Variants in NAV3 observed in about 807,000 individuals in gnomAD.
NAV3 encodes the protein neuron navigator 3, also known as pore membrane and/or filament interacting like protein 1.
NAV3 carries 87 observed loss-of-function variants against 244.7 expected under a neutral mutation model. The ratio of observed to expected loss-of-function variants is 0.36; its 90% CI spans 0.30 to 0.42. NAV3 has a LOEUF of 0.42. Ranked by LOEUF, NAV3 falls within the 20% of genes least tolerant of loss-of-function variation. The pLI, the probability that NAV3 is intolerant of heterozygous loss-of-function variation, is 1.00. For synonymous variants in NAV3, 1,126 were observed against 1,042.2 expected (o/e 1.08, Z -1.55); for missense variants, 2,663 against 2,893.3 (o/e 0.92, Z 1.83).
chr12:77,764,397 C>A (rs1869639040), intron 2 of NAV3, among the ~76,000 whole-genome samples: 1 of 152,162 alleles, frequency 6.6e-6, no homozygotes, highest in African/African-American at 2.4e-5. Flanking sequence ...AGAACCCTGG[C>A]CATCTTGTAA....
At chr12:77,934,074 A>C (rs1392848692) in intron 1 of NAV3, among the ~76,000 whole-genome samples, 2 of 152,132 alleles carry the variant, frequency 1.3e-5, no homozygotes, top group African/African-American at 4.8e-5. Context: ...TCAGTGTTTG[A>C]GGGCCAGGCT....
chr12:78,212,227 T>C lies in NAV3; in HGVS notation c.*1710T>C. 1 of 152,694 alleles carries C rather than the reference T, an allele frequency of 6.5e-6. No homozygotes were observed. Among genetic ancestry groups the C allele is most frequent in the East Asian group, 1.9e-4 (1 of 5,168 alleles). The allele number at this position is 152,694 out of a possible 1,614,324, so 9.5% of individuals were successfully genotyped here. ...AGAGTGCATGAAAACTGATCAGTCA[T>C]TGGAGAAGTTACCACCACACACAAA... On this transcript the variant is annotated 3_prime_UTR_variant, in exon 40 of 40. Transcript: ENST00000397909.
At chr12:77,861,304 G>A (rs1879228113) in intron 1 of NAV3, among the ~76,000 whole-genome samples, 1 of 151,552 alleles carries the variant, frequency 6.6e-6, no homozygotes, top group Non-Finnish European at 1.5e-5. Flanking sequence ...AGCCAAACTT[G>A]ACCAGAAGTT....
In NAV3 at chr12:77,687,811, T is replaced by C. The variant is rs138503110; in HGVS notation, c.72+115545T>C. The stretch of plus-strand genomic sequence containing the variant: ...GCCATTTGAGGATCAGGATAGAATC[T>C]TGCACATTGTATTACGGCTTAATAG... On this transcript the variant is annotated intron_variant, in intron 2 of 8. Coordinates refer to the NAV3 transcript ENST00000550042. 2.7e-3 allele frequency among the ~76,000 whole-genome samples: 411 copies of C among 152,220 alleles called. 2 individuals are homozygous for C. Among genetic ancestry groups the C allele is most frequent in the African/African-American group, 9.4e-3 (389 of 41,566 alleles).
At chr12:77,646,732 A>G (rs2136973269) in intron 2 of NAV3, among the ~76,000 whole-genome samples, 1 of 152,228 alleles carries the variant, frequency 6.6e-6, no homozygotes, top group East Asian at 1.9e-4. Flanking sequence ...TAGGAGGGTC[A>G]CTTTGAAGCC....
chr12:78,038,551 G>T (rs1397699246), intron 9 of NAV3, among the ~76,000 whole-genome samples: 3 of 152,180 alleles, frequency 2.0e-5, no homozygotes, highest in Non-Finnish European at 4.4e-5. Flanking sequence ...TTTCATGTCA[G>T]TTTGGTTTTA....
In NAV3 at chr12:77,985,667, G is replaced by A. The variant is rs578111954; in HGVS notation, c.672-9136G>A. ...CTCATTTTCCCACACTCCTTTCTAT[G>A]TAACTTTATTGTACGTAGAACAACT... On this transcript the variant is annotated intron_variant, in intron 5 of 39. Coordinates refer to ENST00000397909, the MANE Select transcript of NAV3 (RefSeq NM_001024383.2). 6.6e-5 allele frequency among the ~76,000 whole-genome samples: 10 copies of A among 151,716 alleles called. No individual in the cohort carries two copies. In the East Asian group the frequency reaches 1.9e-3, roughly 29 times the overall value.
chr12:78,138,203 A>T (rs1042203819), intron 19 of NAV3, among the ~76,000 whole-genome samples: 3 of 152,184 alleles, frequency 2.0e-5, no homozygotes, highest in Admixed American at 6.6e-5. Flanking sequence ...AAAGTCTCCA[A>T]ATCTTGAGAC....
intron 21 of NAV3, among the ~76,000 whole-genome samples, chr12:78,146,766 C>T (rs1169774096): frequency 1.3e-5 from 2 of 152,050 alleles, no homozygotes; most frequent in African/African-American, 2.4e-5. Flanking sequence ...ACTTGGGCAC[C>T]AAGCCTCCAC....
chr12:78,011,340 A>C (rs1875236319), intron 8 of NAV3, among the ~76,000 whole-genome samples: 2 of 152,182 alleles, frequency 1.3e-5, no homozygotes, highest in African/African-American at 2.4e-5. Context: ...TTTTAAAAAA[A>C]TCTCTGCCTT....
At position 77,928,910 on chromosome 12, in the gene NAV3, T is replaced by G. The variant is rs575752896; in HGVS notation, c.244-11409T>G. On this transcript the variant is annotated intron_variant, in intron 1 of 39. Transcript: ENST00000397909. ...ATTGAGTTAAAGGGTGCACTTGATA[T>G]CTGCATAACAAAGTGTCACTGGGAT... Among the ~76,000 whole-genome samples, 8 of 152,310 alleles carry G rather than the reference T, an allele frequency of 5.3e-5. No homozygotes were observed. In the East Asian group the frequency reaches 1.2e-3, roughly 22 times the overall value.
At chr12:77,881,776 C>A (rs1280151680) in intron 1 of NAV3, among the ~76,000 whole-genome samples, 2 of 152,010 alleles carry the variant, frequency 1.3e-5, no homozygotes, top group Non-Finnish European at 2.9e-5. Context: ...TTCTATACAC[C>A]AATAGCATCC....
intron 7 of NAV3, among the ~76,000 whole-genome samples, chr12:77,999,370 G>A (rs868809508): frequency 6.6e-6 from 1 of 152,344 alleles, no homozygotes; most frequent in South Asian, 2.1e-4. Context: ...TGGCACAAAT[G>A]TTTAGTTAGT....
chr12:78,145,933 G>A (rs1956845372), intron 20 of NAV3, among the ~76,000 whole-genome samples: 1 of 152,064 alleles, frequency 6.6e-6, no homozygotes, highest in South Asian at 2.1e-4. Context: ...ATAAAATTCT[G>A]ACATCTAAAC....
In NAV3 at chr12:78,197,384, T is replaced by C. The variant is rs768947918; in HGVS notation, c.6429T>C (p.Asn2143=). 3.1e-6 allele frequency: 5 copies of C among 1,596,744 alleles called. No homozygotes were observed. The highest frequency in any genetic ancestry group is 1.1e-5 in the South Asian group (1 of 87,446). ...SLSDIFNGFL[N]CKYNKCPYII... is the part of the protein sequence containing the mutation. The stretch of plus-strand genomic sequence containing the variant: ...GTGATATCTTCAATGGTTTTCTCAA[T>C]TGTAAATACAACAAATGGTATGCTT... The change falls in exon 35 of 40, where the codon AAT becomes AAC. Residue 2143 remains asparagine, a synonymous_variant. Transcript: ENST00000397909.
intron 39 of NAV3, among the ~76,000 whole-genome samples, chr12:78,209,454 C>T (rs1960672486): frequency 6.6e-6 from 1 of 151,774 alleles, no homozygotes; most frequent in Non-Finnish European, 1.5e-5. Flanking sequence ...AAAACAAGTC[C>T]ACTACCCTTG....
chr12:78,168,639 A>T, intron 23 of NAV3, 116 bp from the exon 24 acceptor site: 1 of 620,650 alleles, frequency 1.6e-6, no homozygotes, highest in Non-Finnish European at 2.8e-6. Flanking sequence ...CTAAGCATCC[A>T]AATCTTCCAG....
Position 78,177,616 on chromosome 12 carries a change from A to G in NAV3, c.5298-4A>G. ...TGTATCTGTCTAACTGTATGTACATACAGGTCACCCCTTGTCTGGCCACCA... is the reference window on the plus strand; with the variant it reads ...TGTATCTGTCTAACTGTATGTACATGCAGGTCACCCCTTGTCTGGCCACCA... On this transcript the variant is annotated splice_region_variant and splice_polypyrimidine_tract_variant and intron_variant, in intron 27 of 39. Transcript: ENST00000397909. 1 of 1,597,018 alleles carries G rather than the reference A, an allele frequency of 6.3e-7. No individual in the cohort carries two copies. The highest frequency in any genetic ancestry group is 1.1e-5 in the South Asian group (1 of 91,026).
chr12:78,203,544 A>G (rs975936324), intron 38 of NAV3, among the ~76,000 whole-genome samples: 26 of 152,140 alleles, frequency 1.7e-4, no homozygotes, highest in Admixed American at 1.5e-3. Flanking sequence ...GGTAAGTCCA[A>G]CTTCTCCAGA....
Sources: gnomAD v4.1 joint callset for allele counts (sites outside exome capture counted in the v4.1 genomes callset) on GRCh38, gnomAD v4.1.1 for gene constraint, MANE v1.5 for transcripts, NCBI Gene and HGNC (gene_info 2026-07-23, HGNC 2026-07-21) for gene names.